The following NFIB variants were observed in gnomAD, a reference collection of about 807,000 sequenced individuals.
NFIB encodes the protein nuclear factor I B, also known as nuclear factor 1 B-type.
NFIB carries 11 observed loss-of-function variants against 61.5 expected under a neutral mutation model. The ratio of observed to expected loss-of-function variants is 0.18; its 90% CI spans 0.11 to 0.30. The LOEUF (loss-of-function observed/expected upper bound fraction) is 0.30, where lower values mean the gene tolerates loss of function less well. Ranked by LOEUF, NFIB falls within the 10% of genes least tolerant of loss-of-function variation. NFIB has a pLI of 1.00. For synonymous variants in NFIB, 260 were observed against 216.5 expected, an observed-to-expected ratio of 1.20 and a Z score of -1.76; for missense variants, 471 against 608.9, an observed-to-expected ratio of 0.77 and a Z score of 2.38.
At chr9:14,455,003 G>A in the NFIB span, among the ~76,000 whole-genome samples, 20 of 152,306 alleles carry the variant, frequency 1.3e-4, 1 homozygote, top group South Asian at 4.1e-3. Flanking sequence ...TGTAATATGA[G>A]CAAAAAATAA....
intron 2 of NFIB, chr9:14,300,362 C>T (rs1002699489): frequency 2.5e-6 from 1 of 396,498 alleles, no homozygotes; most frequent in African/African-American, 2.1e-5. Flanking sequence ...GGAAAATTTG[C>T]TTTGAACATT....
At chr9:14,317,657 G>A (rs2060572244), upstream of NFIB, among the ~76,000 whole-genome samples, 1 of 152,214 alleles carries the variant, frequency 6.6e-6, no homozygotes, top group African/African-American at 2.4e-5. Context: ...CAGCCATGTG[G>A]AGAATGGCTG....
In NFIB at chr9:14,313,631, T is replaced by C. The variant is rs767768983; in HGVS notation, c.-120A>G. 1 of 1,574,622 alleles carries C rather than the reference T, an allele frequency of 6.4e-7. No individual in the cohort carries two copies. The highest frequency in any genetic ancestry group is 8.6e-7 in the Non-Finnish European group (1 of 1,161,090). ...GCGATGCGATCAATCAGGACGGGGC[T>C]CTGCGCTGGATCACCGCAACTTCAC... On this transcript the variant is annotated 5_prime_UTR_variant, in exon 1 of 11. Coordinates refer to ENST00000380953, the MANE Select transcript of NFIB (RefSeq NM_001190737.2). This position sits in a 1 kb window ranked among gnomAD's most constrained non-coding sequence, Gnocchi z 4.5.
At chr9:14,466,855 C>T in the NFIB span, among the ~76,000 whole-genome samples, 1 of 152,178 alleles carries the variant, frequency 6.6e-6, no homozygotes, top group East Asian at 1.9e-4. Flanking sequence ...AAAGGATGGC[C>T]TGGCTTTTAG....
At chr9:14,381,340 T>C (rs1255717765) in intron 1 of NFIB, among the ~76,000 whole-genome samples, 2 of 151,886 alleles carry the variant, frequency 1.3e-5, no homozygotes, top group African/African-American at 4.8e-5. Flanking sequence ...CATAGGCATA[T>C]GCCACCATGC....
At chr9:14,318,505 C>CTTTTTTT (rs34481505), upstream of NFIB, among the ~76,000 whole-genome samples, 60 of 66,830 alleles carry the variant, frequency 9.0e-4, no homozygotes, top group Middle Eastern at 0.016. Flanking sequence ...CACTCGATGC[C>CTTTTTTT]TTTTTTTTTT....
chr9:14,196,671 A>C (rs2048504623), intron 2 of NFIB, among the ~76,000 whole-genome samples: 1 of 128,178 alleles, frequency 7.8e-6, no homozygotes, highest in African/African-American at 3.0e-5. Context: ...TTTACTCCCA[A>C]TTCTCTTATT....
At chr9:14,222,373 G>GTCAT (rs535363643) in intron 2 of NFIB, among the ~76,000 whole-genome samples, 277 of 152,224 alleles carry the variant, frequency 1.8e-3, no homozygotes, top group South Asian at 5.0e-3. Flanking sequence ...GTCCTTAAGG[G>GTCAT]TCATTTCCTG....
chr9:14,454,694 T>C, the NFIB span, among the ~76,000 whole-genome samples: 2 of 152,224 alleles, frequency 1.3e-5, no homozygotes, highest in Admixed American at 1.3e-4. Flanking sequence ...GCTGTGGTAA[T>C]TGTTCTATTT....
chr9:14,174,221 T>C (rs866559151), intron 3 of NFIB, among the ~76,000 whole-genome samples: 3 of 152,174 alleles, frequency 2.0e-5, no homozygotes, highest in Admixed American at 6.5e-5. Context: ...ACAGACCTCA[T>C]TCTCAAATTA....
intron 2 of NFIB, among the ~76,000 whole-genome samples, chr9:14,196,659 A>C (rs1223329537): frequency 6.7e-6 from 1 of 148,574 alleles, no homozygotes; most frequent in Non-Finnish European, 1.5e-5. Context: ...ATTAGTAGTA[A>C]TTTTACTCCC....
intron 6 of NFIB, among the ~76,000 whole-genome samples, chr9:14,142,643 A>G (rs1194993203): frequency 6.6e-6 from 1 of 152,184 alleles, no homozygotes; most frequent in Non-Finnish European, 1.5e-5. Context: ...ATTGACTCAG[A>G]TGGAAAAAAA....
intron 2 of NFIB, among the ~76,000 whole-genome samples, chr9:14,218,130 G>C (rs1180930105): frequency 6.6e-6 from 1 of 152,156 alleles, no homozygotes; most frequent in Non-Finnish European, 1.5e-5. Context: ...ATAATGAGCT[G>C]AGAGCTCCAA....
At chr9:14,406,002 C>T in the NFIB span, among the ~76,000 whole-genome samples, 2 of 152,198 alleles carry the variant, frequency 1.3e-5, no homozygotes, top group Admixed American at 6.5e-5. Flanking sequence ...TAAAGTTAGA[C>T]TAAAGCATAC....
chr9:14,202,232 A>G (rs965546675), intron 2 of NFIB, among the ~76,000 whole-genome samples: 6 of 152,098 alleles, frequency 3.9e-5, no homozygotes, highest in Non-Finnish European at 7.4e-5. Flanking sequence ...ATGAGAGACT[A>G]AAAGCCACAG....
At chr9:14,182,044 A>G (rs10961406) in intron 2 of NFIB, among the ~76,000 whole-genome samples, 2,013 of 152,352 alleles carry the variant, frequency 0.013, 15 homozygotes, top group Non-Finnish European at 0.022. Context: ...GTAAGAAACT[A>G]TCCAGCTAGA....
the NFIB span, among the ~76,000 whole-genome samples, chr9:14,519,737 C>A: frequency 6.6e-6 from 1 of 152,150 alleles, no homozygotes; most frequent in East Asian, 1.9e-4. Flanking sequence ...TCTTACTAAG[C>A]AGATCCTGCT....
chr9:14,354,804 G>C (rs2061156150), intron 1 of NFIB, among the ~76,000 whole-genome samples: 1 of 151,932 alleles, frequency 6.6e-6, no homozygotes. Context: ...GTGTGTGTGT[G>C]TGTGTGTGTG....
intron 10 of NFIB, among the ~76,000 whole-genome samples, chr9:14,103,191 A>G (rs2036029640): frequency 6.6e-6 from 1 of 152,192 alleles, no homozygotes; most frequent in South Asian, 2.1e-4. Flanking sequence ...AATTCTTCCC[A>G]GATCTCCGAA....
Sources: gnomAD v4.1 joint callset for allele counts (sites outside exome capture counted in the v4.1 genomes callset) on GRCh38, gnomAD v4.1.1 for gene constraint, Gnocchi (gnomAD v3.1) non-coding constraint, MANE v1.5 for transcripts, NCBI Gene and HGNC (gene_info 2026-07-23, HGNC 2026-07-21) for gene names.